Variants in SPOCK2 observed in about 807,000 individuals in gnomAD.
The protein encoded by SPOCK2 is testican-2.
A neutral mutation model predicts 60.1 loss-of-function variants in SPOCK2; 39 were observed. The ratio of observed to expected loss-of-function variants is 0.65; its 90% confidence interval spans 0.50 to 0.85. The LOEUF is 0.85. Ranked by LOEUF, SPOCK2 falls within the 40% of genes least tolerant of loss-of-function variation. The pLI is 0.00. For missense variants in SPOCK2, 523 were observed against 567.4 expected, an observed-to-expected ratio of 0.92 and a Z score of 0.80; for synonymous variants, 217 against 231.5, an observed-to-expected ratio of 0.94 and a Z score of 0.57.
intron 8 of SPOCK2, among the ~76,000 whole-genome samples, chr10:72,064,733 A>T (rs1470073196): frequency 6.6e-6 from 1 of 151,628 alleles, no homozygotes; most frequent in Non-Finnish European, 1.5e-5. Flanking sequence ...TTTATTTTTT[A>T]TTTATTTATT....
chr10:72,064,285 TG>T (rs1159021402), intron 8 of SPOCK2, 45 bp from the exon 9 acceptor site: 28 of 1,523,144 alleles, frequency 1.8e-5, no homozygotes, highest in Admixed American at 4.2e-5. Flanking sequence ...CCCCTGGTGC[TG>T]GGGGGATGCA....
Position 72,060,810 on chromosome 10 carries a change from TC to T in SPOCK2, c.*1949del. The T allele has an allele frequency of 6.6e-6, 1 of 152,262 alleles. No homozygotes were observed. The allele number at this position is 152,262 out of a possible 1,614,324, so 9.4% of individuals were successfully genotyped here. A position where few individuals can be genotyped will look rare whatever the true frequency, so the allele number is the denominator to read the frequency against. The stretch of plus-strand genomic sequence containing the variant: ...TGGAGTTAAGTGGGGCTCTGCTATT[TC>T]CCCCAAGAAGGACTCGGAAGATGTT... On this transcript the variant is annotated 3_prime_UTR_variant, in exon 11 of 11. Transcript: ENST00000373109.
intron 1 of SPOCK2, among the ~76,000 whole-genome samples, chr10:72,074,403 T>C (rs1055243865): frequency 1.1e-4 from 17 of 151,970 alleles, no homozygotes; most frequent in African/African-American, 2.4e-5. Context: ...TGTGCATTTA[T>C]GCAGACCCAG....
intron 1 of SPOCK2, among the ~76,000 whole-genome samples, chr10:72,081,875 A>T (rs1455970168): frequency 6.6e-6 from 1 of 151,986 alleles, no homozygotes; most frequent in Non-Finnish European, 1.5e-5. Flanking sequence ...TGGAGAGGGG[A>T]GGGAGGGGTG....
intron 1 of SPOCK2, among the ~76,000 whole-genome samples, chr10:72,080,229 C>T (rs1398061107): frequency 3.9e-5 from 6 of 152,216 alleles, no homozygotes; most frequent in East Asian, 3.9e-4. Context: ...AGACTGAATA[C>T]ACCACAATTT....
intron 7 of SPOCK2, among the ~76,000 whole-genome samples, 184 bp from the exon 8 acceptor site, chr10:72,067,304 C>CT (rs1282309071): frequency 6.6e-6 from 1 of 152,204 alleles, no homozygotes; most frequent in African/African-American, 2.4e-5. Context: ...CCACATAGGA[C>CT]TATGCCTGAA....
At chr10:72,077,619 T>C (rs1404790650) in intron 1 of SPOCK2, among the ~76,000 whole-genome samples, 3 of 152,204 alleles carry the variant, frequency 2.0e-5, no homozygotes, top group Non-Finnish European at 4.4e-5. Context: ...CTTATGTTCT[T>C]GGGTGTCTTC....
Position 72,059,459 on chromosome 10 carries a change from C to A in SPOCK2, c.*3301G>T, listed in dbSNP as rs972426094. 6.6e-6 allele frequency: 1 copy of A among 152,240 alleles called. No homozygotes were observed. The highest frequency in any genetic ancestry group is 6.5e-5 in the Admixed American group (1 of 15,278). 9.4% of individuals were successfully genotyped at this position (152,240 alleles called of 1,614,324 possible). A position where few individuals can be genotyped will look rare whatever the true frequency, so the allele number is the denominator to read the frequency against. ...CAGTTTGCTCTGCTGGGAACTTCCT[C>A]GGGATGTCTGGGTCTCCTTCTGTGG... On this transcript the variant is annotated 3_prime_UTR_variant, in exon 11 of 11. Transcript: ENST00000373109.
intron 1 of SPOCK2, among the ~76,000 whole-genome samples, chr10:72,079,315 A>G (rs1840753936): frequency 6.6e-6 from 1 of 152,168 alleles, no homozygotes; most frequent in African/African-American, 2.4e-5. Flanking sequence ...TTCTCCTACC[A>G]CACCAACTCT....
intron 4 of SPOCK2, among the ~76,000 whole-genome samples, chr10:72,071,050 C>T (rs976130776): frequency 6.6e-5 from 10 of 152,188 alleles, no homozygotes; most frequent in African/African-American, 1.7e-4. Context: ...CCCCTGCAGC[C>T]TTCTAAGACT....
chr10:72,074,860 T>C (rs1245569), intron 1 of SPOCK2, among the ~76,000 whole-genome samples: 98,001 of 152,012 alleles, frequency 0.64, 33,461 homozygotes, highest in African/African-American at 0.89. Flanking sequence ...AGCCTCTTCC[T>C]CATCCCTCTG....
chr10:72,072,252 T>A lies in SPOCK2; in HGVS notation c.251A>T (p.Asp84Val). The stretch of plus-strand genomic sequence containing the variant: ...CTTCTGGCAGGGGTCCTTGGTGGTA[T>A]CCAGGGCTGCAGGGGCACAGAGTCA... ...EDNQQGDEALDTTKDPCQKVK... is the reference protein window; with the variant it reads ...EDNQQGDEALVTTKDPCQKVK... Residue 84 changes from aspartate to valine, a missense_variant, in exon 4 of 11, where the codon GAT becomes GTT. Transcript: ENST00000373109. 1 of 1,533,348 alleles carries A rather than the reference T, an allele frequency of 6.5e-7. No individual in the cohort carries two copies. Among genetic ancestry groups the A allele is most frequent in the South Asian group, 1.2e-5 (1 of 80,156 alleles). 95.0% of individuals were successfully genotyped at this position (1,533,348 alleles called of 1,614,324 possible). A position where few individuals can be genotyped will look rare whatever the true frequency, so the allele number is the denominator to read the frequency against.
intron 1 of SPOCK2, among the ~76,000 whole-genome samples, chr10:72,073,399 T>G (rs1840675098): frequency 6.6e-6 from 1 of 152,184 alleles, no homozygotes; most frequent in African/African-American, 2.4e-5. Flanking sequence ...CCTCACCCAG[T>G]CTGCAAAGGG....
At chr10:72,086,970 C>G (rs529916211) in intron 1 of SPOCK2, 1 of 1,551,510 alleles carries the variant, frequency 6.4e-7, no homozygotes, top group Non-Finnish European at 8.7e-7. Flanking sequence ...CTGCGTTGTA[C>G]TGGGTGGGTC....
At chr10:72,068,415 GC>G in intron 5 of SPOCK2, 114 bp from the exon 6 acceptor site, 1 of 1,132,410 alleles carries the variant, frequency 8.8e-7, no homozygotes, top group South Asian at 1.6e-5. Context: ...CCCATGGAGT[GC>G]CCATGAACAG....
In SPOCK2 at chr10:72,087,119, A is replaced by G; in HGVS notation, c.189+1021T>C. Reference sequence around the variant, plus strand: ...CGCATCCGGGCCCATCCCCCACAGCACCCCCAACGATCTCGGGGTCCAGCC... The same window carrying G: ...CGCATCCGGGCCCATCCCCCACAGCGCCCCCAACGATCTCGGGGTCCAGCC... On this transcript the variant is annotated intron_variant, in intron 1 of 10. Coordinates refer to ENST00000373109, the MANE Select transcript of SPOCK2 (RefSeq NM_001244950.2). This position sits in a 1 kb window ranked among gnomAD's most constrained non-coding sequence, Gnocchi z 4.7. 1.1e-6 allele frequency: 1 copy of G among 950,588 alleles called. No individual in the cohort carries two copies. Among genetic ancestry groups the G allele is most frequent in the East Asian group, 3.0e-5 (1 of 32,934 alleles). 58.9% of individuals were successfully genotyped at this position (950,588 alleles called of 1,614,324 possible).
chr10:72,072,768 G>A (rs777637707), intron 2 of SPOCK2, 134 bp downstream of exon 2: 1 of 1,417,448 alleles, frequency 7.1e-7, no homozygotes, highest in Non-Finnish European at 9.8e-7. Context: ...TCTCCCGTGA[G>A]CTCCTGATTG....
Position 72,087,270 on chromosome 10 carries a change from A to C in SPOCK2, c.189+870T>G, listed in dbSNP as rs1005585295. Among the ~76,000 whole-genome samples, 1 of 151,788 alleles carries C rather than the reference A, an allele frequency of 6.6e-6. No homozygotes were observed. The highest frequency in any genetic ancestry group is 2.4e-5 in the African/African-American group (1 of 41,318). On this transcript the variant is annotated intron_variant, in intron 1 of 10. Coordinates refer to ENST00000373109, the MANE Select transcript of SPOCK2 (RefSeq NM_001244950.2). The surrounding 1 kb of genome is among the most constrained non-coding windows in gnomAD (Gnocchi z 4.7). ...CCCCTCTGATCCACAGGTGCCGGTAAACAAAAGTGCCGCAGCTACCCCCCC... is the reference window on the plus strand; with the variant it reads ...CCCCTCTGATCCACAGGTGCCGGTACACAAAAGTGCCGCAGCTACCCCCCC...
At chr10:72,086,863 T>A (rs2131825771) in intron 1 of SPOCK2, 2 of 1,549,528 alleles carry the variant, frequency 1.3e-6, no homozygotes, top group African/African-American at 2.7e-5. Context: ...ATCACTTGGC[T>A]GGATAGCCTA....
Sources: allele counts gnomAD v4.1 joint callset (sites outside exome capture counted in the v4.1 genomes callset), GRCh38; gene constraint gnomAD v4.1.1; non-coding constraint Gnocchi (gnomAD v3.1); transcripts MANE v1.5; gene names NCBI Gene and HGNC (gene_info 2026-07-23, HGNC 2026-07-21).